LPP: variants seen among roughly 807,000 people sequenced by gnomAD.
LPP encodes lipoma-preferred partner.
LPP carries 38 observed loss-of-function variants against 60.4 expected under a neutral mutation model. The observed-to-expected ratio is 0.63, with a 90% CI of 0.49 to 0.83. The LOEUF (loss-of-function observed/expected upper bound fraction) is 0.83. LPP is among the 40% of genes least tolerant of loss of function. The pLI is 0.00. For synonymous variants in LPP, 328 were observed against 290.8 expected (o/e 1.13, Z -1.30); for missense variants, 902 against 783.6 (o/e 1.15, Z -1.80).
At chr3:188,168,908 T>G (rs1720774524) in intron 1 of LPP, among the ~76,000 whole-genome samples, 1 of 152,238 alleles carries the variant, frequency 6.6e-6, no homozygotes, top group South Asian at 2.1e-4. Context: ...ACTATCTTAT[T>G]AAGTCTAAAT....
chr3:188,507,444 C>A (rs1027953107), intron 5 of LPP, among the ~76,000 whole-genome samples: 1 of 150,650 alleles, frequency 6.6e-6, no homozygotes, highest in Non-Finnish European at 1.5e-5. Flanking sequence ...AGTGCCATTT[C>A]GAAAGGGGGA....
At chr3:188,661,695 C>T (rs1304266902) in intron 7 of LPP, among the ~76,000 whole-genome samples, 1 of 152,100 alleles carries the variant, frequency 6.6e-6, no homozygotes, top group East Asian at 1.9e-4. Context: ...CTTTCTTAAA[C>T]GTGTTGTTTG....
intron 8 of LPP, chr3:188,710,650 A>G (rs961400389): frequency 2.6e-5 from 4 of 152,114 alleles, no homozygotes; most frequent in African/African-American, 9.7e-5. Context: ...TCTAAAATAC[A>G]TTTTTTAAAA....
intron 1 of LPP, among the ~76,000 whole-genome samples, chr3:188,222,507 G>A (rs1716173208): frequency 6.6e-6 from 1 of 152,188 alleles, no homozygotes; most frequent in Middle Eastern, 3.2e-3. Flanking sequence ...AGAAACCTGA[G>A]CTTTGAGAAA....
intron 6 of LPP, among the ~76,000 whole-genome samples, chr3:188,567,419 A>G (rs931240552): frequency 6.6e-6 from 1 of 151,908 alleles, no homozygotes; most frequent in African/African-American, 2.4e-5. Context: ...AACACATCCT[A>G]TGATTGATGT....
At chr3:188,345,937 C>A (rs908005173) in intron 3 of LPP, among the ~76,000 whole-genome samples, 11 of 152,264 alleles carry the variant, frequency 7.2e-5, no homozygotes, top group African/African-American at 2.6e-4. Context: ...TTAGTGAATG[C>A]CTAACTTTCC....
intron 9 of LPP, among the ~76,000 whole-genome samples, chr3:188,812,832 C>A (rs979873498): frequency 6.6e-6 from 1 of 151,612 alleles, no homozygotes; most frequent in African/African-American, 2.4e-5. Context: ...TGTATTATAT[C>A]TAAGAAATTT....
At chr3:188,570,808 G>C (rs999683230) in intron 6 of LPP, among the ~76,000 whole-genome samples, 1 of 151,730 alleles carries the variant, frequency 6.6e-6, no homozygotes, top group Non-Finnish European at 1.5e-5. Flanking sequence ...GTGAAAGCCC[G>C]CTAGAGATAA....
intron 3 of LPP, among the ~76,000 whole-genome samples, chr3:188,363,717 C>A (rs373214694): frequency 6.6e-6 from 1 of 151,906 alleles, no homozygotes; most frequent in Non-Finnish European, 1.5e-5. Flanking sequence ...CCAGCCTGGC[C>A]AACATGGTGA....
At chr3:188,865,787 A>G (rs987449436) in intron 9 of LPP, among the ~76,000 whole-genome samples, 2 of 152,148 alleles carry the variant, frequency 1.3e-5, no homozygotes, top group Non-Finnish European at 2.9e-5. Flanking sequence ...TTGTTACAAC[A>G]AAGCCAGAAA....
chr3:188,663,829 G>A (rs1380479295), intron 7 of LPP, among the ~76,000 whole-genome samples: 8 of 152,104 alleles, frequency 5.3e-5, no homozygotes, highest in South Asian at 2.1e-4. Context: ...GTCTCATAAG[G>A]GGCATGCAAA....
chr3:188,163,008 G>A (rs1230005093), intron 1 of LPP, among the ~76,000 whole-genome samples: 2 of 152,144 alleles, frequency 1.3e-5, no homozygotes, highest in Non-Finnish European at 2.9e-5. Flanking sequence ...GCAAAAGTGG[G>A]ATGAGTGCCA....
chr3:188,789,967 C>T (rs1338450546), intron 9 of LPP, among the ~76,000 whole-genome samples: 2 of 152,114 alleles, frequency 1.3e-5, no homozygotes, highest in African/African-American at 4.8e-5. Context: ...GATAGGAGTA[C>T]AAATTAATAC....
At chr3:188,451,816 C>G (rs1032514147) in intron 4 of LPP, among the ~76,000 whole-genome samples, 1 of 152,096 alleles carries the variant, frequency 6.6e-6, no homozygotes, top group Non-Finnish European at 1.5e-5. Flanking sequence ...GATCCACAGG[C>G]AAGAGGGAAT....
In LPP at chr3:188,369,275, G is replaced by A. The variant is rs537721519; in HGVS notation, c.-10+27556G>A. Among the ~76,000 whole-genome samples the A allele has an allele frequency of 5.9e-5, 9 of 152,132 alleles. 1 individual carries two copies. Among genetic ancestry groups the A allele is most frequent in the African/African-American group, 1.9e-4 (8 of 41,500 alleles). On this transcript the variant is annotated intron_variant, in intron 3 of 11. Coordinates refer to ENST00000617246, the MANE Select transcript of LPP (RefSeq NM_001375462.1). ...TGTTTTAGGCAGAAGCATTTGATAGGTTGGGGATCACAGGAAAGTTTTTTT... is the reference window on the plus strand; with the variant it reads ...TGTTTTAGGCAGAAGCATTTGATAGATTGGGGATCACAGGAAAGTTTTTTT...
intron 5 of LPP, among the ~76,000 whole-genome samples, chr3:188,514,373 T>C (rs925782504): frequency 1.1e-4 from 16 of 152,202 alleles, no homozygotes; most frequent in African/African-American, 2.2e-4. Flanking sequence ...TAATTAACCA[T>C]GTACATCATC....
intron 3 of LPP, among the ~76,000 whole-genome samples, chr3:188,386,094 A>T (rs1251620240): frequency 6.6e-6 from 1 of 152,176 alleles, no homozygotes; most frequent in East Asian, 1.9e-4. Flanking sequence ...AAAAAAAAGT[A>T]TGAGAAATGA....
intron 5 of LPP, among the ~76,000 whole-genome samples, chr3:188,508,192 G>A (rs573726209): frequency 6.6e-6 from 1 of 152,274 alleles, no homozygotes; most frequent in Admixed American, 6.5e-5. Flanking sequence ...GGAAAGAGGG[G>A]GCTTATGGGA....
intron 1 of LPP, among the ~76,000 whole-genome samples, chr3:188,208,671 C>T (rs1050819203): frequency 5.3e-5 from 8 of 152,206 alleles, no homozygotes; most frequent in African/African-American, 1.7e-4. Context: ...CTATTACCTC[C>T]TTTTGGCCCA....
Sources: allele counts gnomAD v4.1 joint callset (sites outside exome capture counted in the v4.1 genomes callset), GRCh38; gene constraint gnomAD v4.1.1; transcripts MANE v1.5; gene names NCBI Gene and HGNC (gene_info 2026-07-23, HGNC 2026-07-21).